The following DLG2 variants were observed in gnomAD, a reference collection of about 807,000 sequenced individuals.
DLG2 encodes disks large homolog 2.
A neutral mutation model predicts 132.5 loss-of-function variants in DLG2; 45 were observed. The ratio of observed to expected loss-of-function variants is 0.34; its 90% confidence interval spans 0.27 to 0.44. The LOEUF is 0.44. DLG2 is among the 20% of genes least tolerant of loss of function. DLG2 has a pLI of 1.00. For missense variants in DLG2, 1,045 were observed against 1,196.9 expected (o/e 0.87, Z 1.87); for synonymous variants, 424 against 419.6 (o/e 1.01, Z -0.13).
intron 6 of DLG2, among the ~76,000 whole-genome samples, chr11:84,736,839 T>C (rs553210714): frequency 6.6e-6 from 1 of 152,144 alleles, no homozygotes; most frequent in South Asian, 2.1e-4. Flanking sequence ...GAGTTTTACA[T>C]CTTCCTTTGC....
intron 6 of DLG2, among the ~76,000 whole-genome samples, chr11:84,930,544 AC>A (rs1165138103): frequency 1.3e-5 from 2 of 151,974 alleles, no homozygotes; most frequent in Non-Finnish European, 2.9e-5. Flanking sequence ...CAAACCTCAC[AC>A]CTTCCTCCAT....
intron 6 of DLG2, among the ~76,000 whole-genome samples, chr11:84,616,704 G>A (rs995968116): frequency 6.6e-6 from 1 of 152,044 alleles, no homozygotes; most frequent in Non-Finnish European, 1.5e-5. Context: ...ATGAATTGAT[G>A]ATAATAACAC....
rs113850541 is a variant in DLG2, at chr11:84,924,689, C to T, written c.357+186972G>A. Among the ~76,000 whole-genome samples, 468 of 152,226 alleles carry T rather than the reference C, an allele frequency of 3.1e-3. 6 individuals are homozygous for T. Among genetic ancestry groups the T allele is most frequent in the African/African-American group, 0.011 (458 of 41,534 alleles). On this transcript the variant is annotated intron_variant, in intron 6 of 27. Coordinates refer to ENST00000376104, the MANE Select transcript of DLG2 (RefSeq NM_001142699.3). ...CTATTTTGGGCTGTCATTGTTTGTGCCTTTTTTTAGGAAGAAAAAGGCAGT... is the reference window on the plus strand; with the variant it reads ...CTATTTTGGGCTGTCATTGTTTGTGTCTTTTTTTAGGAAGAAAAAGGCAGT...
chr11:84,812,490 A>G (rs1170255557), intron 6 of DLG2, among the ~76,000 whole-genome samples: 1 of 152,156 alleles, frequency 6.6e-6, no homozygotes, highest in African/African-American at 2.4e-5. Context: ...ACTGTTCACT[A>G]AAATGCTCAA....
intron 11 of DLG2, among the ~76,000 whole-genome samples, chr11:83,992,853 G>C (rs1565947100): frequency 6.6e-6 from 1 of 152,060 alleles, no homozygotes; most frequent in Non-Finnish European, 1.5e-5. Context: ...TAACAAGAAA[G>C]GATGATCATC....
chr11:84,373,265 C>CAAAACAAAAAACAA (rs2098715495), intron 7 of DLG2, among the ~76,000 whole-genome samples: 13 of 98,090 alleles, frequency 1.3e-4, no homozygotes, highest in South Asian at 3.5e-4. Flanking sequence ...AAAAAAAAAA[C>CAAAACAAAAAACAA]AAAACAAAAA....
intron 9 of DLG2, among the ~76,000 whole-genome samples, chr11:84,125,944 C>A (rs1054492348): frequency 6.6e-6 from 1 of 152,018 alleles, no homozygotes. Flanking sequence ...AATCAAGATA[C>A]CTTTGATTCT....
chr11:84,878,396 G>A (rs1055922875), intron 6 of DLG2, among the ~76,000 whole-genome samples: 2 of 152,152 alleles, frequency 1.3e-5, no homozygotes, highest in African/African-American at 4.8e-5. Flanking sequence ...ATGAGTTAAT[G>A]TCCTTTGCAG....
chr11:85,107,069 C>T (rs921886276), intron 6 of DLG2, among the ~76,000 whole-genome samples: 2 of 151,954 alleles, frequency 1.3e-5, no homozygotes, highest in African/African-American at 4.8e-5. Context: ...TTGACATATT[C>T]AGAATTCAGT....
intron 7 of DLG2, among the ~76,000 whole-genome samples, chr11:84,310,151 A>AAT (rs2098272151): frequency 6.6e-6 from 1 of 152,150 alleles, no homozygotes; most frequent in Admixed American, 6.6e-5. Flanking sequence ...GCATTAAGGA[A>AAT]ATTTCTGTTA....
chr11:84,152,647 A>G (rs953110752), intron 9 of DLG2, among the ~76,000 whole-genome samples: 6 of 151,832 alleles, frequency 4.0e-5, no homozygotes, highest in African/African-American at 1.5e-4. Context: ...CGGCCCCCCA[A>G]AGTGCTGGGA....
intron 19 of DLG2, among the ~76,000 whole-genome samples, chr11:83,566,026 G>T (rs1281822347): frequency 6.6e-6 from 1 of 152,120 alleles, no homozygotes; most frequent in Admixed American, 6.6e-5. Context: ...ATAAATAATG[G>T]CATTTTCAGG....
intron 6 of DLG2, among the ~76,000 whole-genome samples, chr11:84,710,171 T>G (rs1285316552): frequency 6.6e-6 from 1 of 151,954 alleles, no homozygotes; most frequent in African/African-American, 2.4e-5. Context: ...ACACTGTGGG[T>G]GGTGATCACC....
intron 18 of DLG2, among the ~76,000 whole-genome samples, chr11:83,680,308 T>A (rs1269740236): frequency 6.6e-6 from 1 of 152,160 alleles, no homozygotes; most frequent in Admixed American, 6.6e-5. Context: ...TTTAAAAAAT[T>A]TAATGTACAG....
chr11:85,230,162 A>G (rs1284919182), intron 4 of DLG2, among the ~76,000 whole-genome samples: 2 of 151,992 alleles, frequency 1.3e-5, no homozygotes, highest in Non-Finnish European at 2.9e-5. Flanking sequence ...TGTTAACTAA[A>G]TGTTAACAAT....
intron 7 of DLG2, among the ~76,000 whole-genome samples, chr11:84,490,145 G>A (rs1047596377): frequency 2.6e-5 from 4 of 152,102 alleles, no homozygotes; most frequent in African/African-American, 9.7e-5. Context: ...TTGATGCTGG[G>A]AAAGGAAAGT....
intron 4 of DLG2, among the ~76,000 whole-genome samples, chr11:85,257,587 G>A (rs548767069): frequency 6.6e-6 from 1 of 152,228 alleles, no homozygotes; most frequent in African/African-American, 2.4e-5. Context: ...TTTTGATAAA[G>A]GTAAAGATGA....
chr11:84,475,237 T>TA (rs544776438), intron 7 of DLG2, among the ~76,000 whole-genome samples: 2 of 151,978 alleles, frequency 1.3e-5, no homozygotes, highest in Non-Finnish European at 2.9e-5. Context: ...TGTATCTCAT[T>TA]AAAAAAAATA....
At chr11:84,804,234 G>A (rs1223870132) in intron 6 of DLG2, among the ~76,000 whole-genome samples, 2 of 152,154 alleles carry the variant, frequency 1.3e-5, no homozygotes, top group African/African-American at 2.4e-5. Context: ...CCAACTTTAT[G>A]TTTACAGTGA....
Sources: allele counts gnomAD v4.1 joint callset (sites outside exome capture counted in the v4.1 genomes callset), GRCh38; gene constraint gnomAD v4.1.1; transcripts MANE v1.5; gene names NCBI Gene and HGNC (gene_info 2026-07-23, HGNC 2026-07-21).